UACA: variants seen among roughly 807,000 people sequenced by gnomAD.
UACA encodes nuclear membrane binding protein.
A neutral mutation model predicts 160.5 loss-of-function variants in UACA; 112 were observed. That is an observed-to-expected ratio of 0.70 (90% CI 0.60 to 0.82). The LOEUF (loss-of-function observed/expected upper bound fraction) is 0.82, where lower values mean the gene tolerates loss of function less well. Among genes scored for constraint, UACA ranks in the 40% least tolerant of loss-of-function variants. The pLI, the probability that UACA is intolerant of heterozygous loss-of-function variation, is 0.00. For synonymous variants in UACA, 557 were observed against 568.4 expected (o/e 0.98, Z 0.29); for missense variants, 1,574 against 1,614.6 (o/e 0.97, Z 0.43).
At position 70,656,819 on chromosome 15, in the gene UACA, G is replaced by T. The variant is rs1896486616; in HGVS notation, c.*237C>A. 1 of 392,454 alleles carries T rather than the reference G, an allele frequency of 2.5e-6. No homozygotes were observed. The highest frequency in any genetic ancestry group is 4.6e-6 in the Non-Finnish European group (1 of 219,760). 24.3% of individuals were successfully genotyped at this position (392,454 alleles called of 1,614,324 possible). A position where few individuals can be genotyped will look rare whatever the true frequency, so the allele number is the denominator to read the frequency against. ...GTTTAAAAATATGTAGTCAATCCAGGGCAAAGTTATGTTGTTTGCCTATTT... is the reference window on the plus strand; with the variant it reads ...GTTTAAAAATATGTAGTCAATCCAGTGCAAAGTTATGTTGTTTGCCTATTT... On this transcript the variant is annotated 3_prime_UTR_variant, in exon 19 of 19. Coordinates refer to ENST00000322954, the MANE Select transcript of UACA (RefSeq NM_018003.4).
At chr15:70,660,653 A>G (rs1896673955) in intron 17 of UACA, 1 of 154,120 alleles carries the variant, frequency 6.5e-6, no homozygotes, top group Admixed American at 6.5e-5. Context: ...ACATGAGAGA[A>G]TCCAAATTCA....
chr15:70,700,567 A>T (rs1341639346), intron 1 of UACA, among the ~76,000 whole-genome samples: 2 of 151,874 alleles, frequency 1.3e-5, no homozygotes, highest in Admixed American at 6.6e-5. Context: ...TATTTAGATT[A>T]AAGGTGGGGG....
intron 1 of UACA, among the ~76,000 whole-genome samples, chr15:70,760,991 TC>T (rs2030718364): frequency 6.6e-6 from 1 of 152,172 alleles, no homozygotes; most frequent in Non-Finnish European, 1.5e-5. Context: ...AATGCACATA[TC>T]CTTTAACCCA....
At chr15:70,674,787 G>A (rs976919424) in intron 13 of UACA, among the ~76,000 whole-genome samples, 2 of 152,188 alleles carry the variant, frequency 1.3e-5, no homozygotes, top group Admixed American at 1.3e-4. Flanking sequence ...TCGTAAAGAC[G>A]GAGTTTTGCC....
chr15:70,672,429 A>G (rs2140912806), intron 13 of UACA, among the ~76,000 whole-genome samples: 1 of 152,314 alleles, frequency 6.6e-6, no homozygotes, highest in South Asian at 2.1e-4. Flanking sequence ...AAATATCAAC[A>G]TAACCACTTC....
intron 1 of UACA, among the ~76,000 whole-genome samples, chr15:70,743,065 TA>T (rs1258168793): frequency 6.6e-6 from 1 of 152,084 alleles, no homozygotes; most frequent in East Asian, 1.9e-4. Context: ...TCCCTTAAGG[TA>T]TAGGACTGAG....
chr15:70,657,337 G>A (rs1307745792), intron 18 of UACA, among the ~76,000 whole-genome samples: 3 of 152,206 alleles, frequency 2.0e-5, no homozygotes, highest in South Asian at 2.1e-4. Flanking sequence ...ACGGCCGGGC[G>A]TGGTGGCTCA....
chr15:70,693,590 A>G (rs1272107574), intron 3 of UACA, among the ~76,000 whole-genome samples: 1 of 152,128 alleles, frequency 6.6e-6, no homozygotes, highest in African/African-American at 2.4e-5. Context: ...AGCAAAAACA[A>G]AAGACAGAAG....
chr15:70,746,832 A>T (rs935817754), intron 1 of UACA, among the ~76,000 whole-genome samples: 1 of 152,202 alleles, frequency 6.6e-6, no homozygotes, highest in African/African-American at 2.4e-5. Context: ...TGTCCTTCAC[A>T]GGGACATGGA....
intron 13 of UACA, among the ~76,000 whole-genome samples, chr15:70,675,934 T>C (rs1897292187): frequency 6.6e-6 from 1 of 152,184 alleles, no homozygotes; most frequent in Non-Finnish European, 1.5e-5. Context: ...GCCTTGATCT[T>C]GGACTTTCCA....
chr15:70,703,035 T>A, intron 1 of UACA: 11 of 1,190,666 alleles, frequency 9.2e-6, no homozygotes, highest in Non-Finnish European at 1.2e-5. Flanking sequence ...AAATACACAT[T>A]AGACAACGAG....
chr15:70,678,270 A>G, intron 10 of UACA, 64 bp from the exon 11 acceptor site: 2 of 1,218,108 alleles, frequency 1.6e-6, no homozygotes, highest in African/African-American at 3.0e-5. Flanking sequence ...TAAAGGAGAA[A>G]TTTTTAAAAG....
intron 1 of UACA, among the ~76,000 whole-genome samples, chr15:70,747,016 G>C (rs1158041848): frequency 6.6e-6 from 1 of 152,074 alleles, no homozygotes; most frequent in African/African-American, 2.4e-5. Context: ...CTAGCATTAG[G>C]AGAAACAATG....
At chr15:70,747,888 A>G (rs1306053121) in intron 1 of UACA, among the ~76,000 whole-genome samples, 1 of 152,218 alleles carries the variant, frequency 6.6e-6, no homozygotes, top group Non-Finnish European at 1.5e-5. Flanking sequence ...GTCCCAGAGA[A>G]ACACTAATCC....
Position 70,656,304 on chromosome 15 carries a change from T to C in UACA, c.*752A>G, listed in dbSNP as rs1181658926. The stretch of plus-strand genomic sequence containing the variant: ...GGTTTTCACACTTTGAAAAATCTAG[T>C]ATATCATCTATCATTATTCTCCAAT... On this transcript the variant is annotated 3_prime_UTR_variant, in exon 19 of 19. Coordinates refer to ENST00000322954, the MANE Select transcript of UACA (RefSeq NM_018003.4). 6.6e-6 allele frequency: 1 copy of C among 152,120 alleles called. No individual in the cohort carries two copies. Among genetic ancestry groups the C allele is most frequent in the African/African-American group, 2.4e-5 (1 of 41,414 alleles). 9.4% of individuals were successfully genotyped at this position (152,120 alleles called of 1,614,324 possible). A position where few individuals can be genotyped will look rare whatever the true frequency, so the allele number is the denominator to read the frequency against.
chr15:70,763,494 G>A lies in UACA; in HGVS notation c.-87C>T. 4.0e-6 allele frequency: 5 copies of A among 1,258,464 alleles called. No homozygotes were observed. The highest frequency in any genetic ancestry group is 3.0e-6 in the Non-Finnish European group (3 of 994,778). 78.0% of individuals were successfully genotyped at this position (1,258,464 alleles called of 1,614,324 possible). ...AGTAGACGGCAGCGGCTGCAGCAGA[G>A]GCGGCGCGGGCTGTACCAGCCCCAC... On this transcript the variant is annotated 5_prime_UTR_variant, in exon 1 of 19. Transcript: ENST00000322954.
At chr15:70,688,353 C>T (rs766667744) in intron 5 of UACA, among the ~76,000 whole-genome samples, 3 of 152,024 alleles carry the variant, frequency 2.0e-5, no homozygotes, top group Non-Finnish European at 4.4e-5. Context: ...CACTATAGTT[C>T]ATATTTATAT....
chr15:70,714,337 C>T (rs537316087), intron 1 of UACA, among the ~76,000 whole-genome samples: 15 of 152,180 alleles, frequency 9.9e-5, no homozygotes, highest in South Asian at 2.1e-4. Flanking sequence ...TAAAATATAC[C>T]GGGGAAACAA....
intron 1 of UACA, among the ~76,000 whole-genome samples, chr15:70,726,346 T>C (rs1382495497): frequency 2.0e-5 from 3 of 152,088 alleles, no homozygotes; most frequent in Non-Finnish European, 4.4e-5. Context: ...TCTCAAACTT[T>C]TACAAGATGT....
Sources: gnomAD v4.1 joint callset for allele counts (sites outside exome capture counted in the v4.1 genomes callset) on GRCh38, gnomAD v4.1.1 for gene constraint, MANE v1.5 for transcripts, NCBI Gene and HGNC (gene_info 2026-07-23, HGNC 2026-07-21) for gene names.